The following TRPM6 variants were observed in gnomAD, a reference collection of about 807,000 sequenced individuals.
TRPM6 encodes transient receptor potential cation channel subfamily M member 6.
A neutral mutation model predicts 247.6 loss-of-function variants in TRPM6; 111 were observed. The observed-to-expected ratio is 0.45, with a 90% confidence interval of 0.38 to 0.52. TRPM6 has a LOEUF of 0.52. Among genes scored for constraint, TRPM6 ranks in the 20% least tolerant of loss-of-function variants. The probability of loss-of-function intolerance (pLI) is 0.00; values close to 1 mark genes in which losing one functional copy is unlikely to be tolerated. For missense variants in TRPM6, 2,126 were observed against 2,421.5 expected (o/e 0.88, Z 2.56); for synonymous variants, 892 against 853.8 (o/e 1.04, Z -0.78).
intron 36 of TRPM6, among the ~76,000 whole-genome samples, chr9:74,734,430 A>G (rs1244115204): frequency 6.6e-6 from 1 of 152,242 alleles, no homozygotes; most frequent in Non-Finnish European, 1.5e-5. Flanking sequence ...TAATCCTTAT[A>G]GACTTTCACC....
intron 19 of TRPM6, among the ~76,000 whole-genome samples, chr9:74,790,031 T>TGGGG (rs555035802): frequency 6.7e-6 from 1 of 148,554 alleles, no homozygotes; most frequent in East Asian, 2.0e-4. Flanking sequence ...TGTGTGTGTG[T>TGGGG]GTGTGGGTTC....
intron 24 of TRPM6, among the ~76,000 whole-genome samples, chr9:74,775,678 A>G (rs1337105106): frequency 6.6e-6 from 1 of 152,170 alleles, no homozygotes; most frequent in Non-Finnish European, 1.5e-5. Flanking sequence ...CTTTCTAAGT[A>G]TCCGTTCATC....
In TRPM6 at chr9:74,751,226, T is replaced by C. The variant is rs149125368; in HGVS notation, c.4999-504A>G. On this transcript the variant is annotated intron_variant, in intron 29 of 38. Transcript: ENST00000360774. ...TGATTTCCTACTCAAATTCAATTAT[T>C]TCCTGAGACTTAGTATACTCCAGGC... Among the ~76,000 whole-genome samples the C allele has an allele frequency of 2.3e-3, 352 of 152,354 alleles. 2 individuals carry two copies. The highest frequency in any genetic ancestry group is 8.3e-3 in the African/African-American group (344 of 41,578).
intron 25 of TRPM6, among the ~76,000 whole-genome samples, chr9:74,764,554 A>T (rs1826762132): frequency 6.6e-6 from 1 of 152,194 alleles, no homozygotes; most frequent in Admixed American, 6.5e-5. Flanking sequence ...CCCTGCCAAC[A>T]CCTTGATTTT....
chr9:74,749,728 T>G (rs1826174504), intron 30 of TRPM6, among the ~76,000 whole-genome samples: 2 of 152,222 alleles, frequency 1.3e-5, no homozygotes, highest in Non-Finnish European at 1.5e-5. Context: ...TTACGATTAT[T>G]GTTCAATTTC....
At chr9:74,826,555 C>A (rs1292841684) in intron 7 of TRPM6, among the ~76,000 whole-genome samples, 3 of 151,990 alleles carry the variant, frequency 2.0e-5, no homozygotes, top group African/African-American at 7.2e-5. Flanking sequence ...CAGCACTCAG[C>A]CCTCCTGCTC....
chr9:74,740,804 T>G lies in TRPM6; in HGVS notation c.5201-795A>C, dbSNP rs557757924. 4.6e-5 allele frequency among the ~76,000 whole-genome samples: 7 copies of G among 152,308 alleles called. No individual in the cohort carries two copies. The South Asian group carries it at 1.4e-3, about 32-fold the overall frequency. On this transcript the variant is annotated intron_variant, in intron 33 of 38. Transcript: ENST00000360774. ...AATTTAATACAAGCTCAACTTGTAT[T>G]AAAAATATTCTGTATATCTGTTTAT...
At position 74,819,064 on chromosome 9, in the gene TRPM6, T is replaced by C. The variant is rs548342705; in HGVS notation, c.1134+1240A>G. On this transcript the variant is annotated intron_variant, in intron 9 of 38. Coordinates refer to ENST00000360774, the MANE Select transcript of TRPM6 (RefSeq NM_017662.5). Reference sequence around the variant, plus strand: ...GGCTTATGCCTGCAATCCCAGAACTTTGGGAGGCCGAGACAGGCAGATCGC... The same window carrying C: ...GGCTTATGCCTGCAATCCCAGAACTCTGGGAGGCCGAGACAGGCAGATCGC... Among the ~76,000 whole-genome samples, 43 of 152,174 alleles carry C rather than the reference T, an allele frequency of 2.8e-4. 1 individual carries two copies. The South Asian group carries it at 8.5e-3, about 30-fold the overall frequency.
At chr9:74,887,272 A>G in intron 1 of TRPM6, 1 of 1,340,294 alleles carries the variant, frequency 7.5e-7, no homozygotes, top group South Asian at 2.3e-5. Context: ...CTGCACGGGG[A>G]ACACTGGGCG....
chr9:74,747,767 T>G (rs577548178), intron 31 of TRPM6, 122 bp downstream of exon 31: 2 of 840,416 alleles, frequency 2.4e-6, no homozygotes, highest in East Asian at 2.6e-5. Context: ...CTTTCTACAT[T>G]GCATGATGGA....
chr9:74,834,690 T>C (rs1433225353), intron 5 of TRPM6, among the ~76,000 whole-genome samples: 2 of 145,348 alleles, frequency 1.4e-5, no homozygotes, highest in South Asian at 2.4e-4. Context: ...TTCCCACCTA[T>C]GAGTGAGAAC....
chr9:74,813,631 C>A (rs993620578), intron 11 of TRPM6, among the ~76,000 whole-genome samples: 2 of 152,208 alleles, frequency 1.3e-5, no homozygotes, highest in Non-Finnish European at 2.9e-5. Flanking sequence ...AACCTATAGG[C>A]AACCTCCAAC....
chr9:74,740,155 A>G (rs1023766905), intron 33 of TRPM6, 146 bp from the exon 34 acceptor site: 14 of 916,916 alleles, frequency 1.5e-5, no homozygotes, highest in Non-Finnish European at 2.4e-5. Flanking sequence ...CAGAATAAGG[A>G]CATGTATCAG....
At chr9:74,788,793 C>T in intron 19 of TRPM6, 51 bp from the exon 20 acceptor site, 1 of 1,606,510 alleles carries the variant, frequency 6.2e-7, no homozygotes, top group Non-Finnish European at 8.5e-7. Flanking sequence ...AAGCATGGAG[C>T]ATGCCAAGGA....
At chr9:74,846,721 G>T (rs539044684) in intron 3 of TRPM6, among the ~76,000 whole-genome samples, 1 of 151,990 alleles carries the variant, frequency 6.6e-6, no homozygotes, top group South Asian at 2.1e-4. Flanking sequence ...TAACTTGTTT[G>T]TATTTTTAGT....
In TRPM6 at chr9:74,738,428, G is replaced by A; in HGVS notation, c.5755C>T (p.Leu1919=). The change falls in exon 36 of 39, where the codon CTG becomes TTG. Residue 1919 remains leucine, a synonymous_variant. Coordinates refer to ENST00000360774, the MANE Select transcript of TRPM6 (RefSeq NM_017662.5). ...TCACCTTGCAAATCTAAAACCAGCAGCTCTCCCCGAGTGTACTCATAGGTC... is the reference window on the plus strand; with the variant it reads ...TCACCTTGCAAATCTAAAACCAGCAACTCTCCCCGAGTGTACTCATAGGTC... ...HWTYEYTRGE[L]LVLDLQGVGE... The A allele has an allele frequency of 1.2e-6, 2 of 1,613,982 alleles. No individual in the cohort carries two copies. Among genetic ancestry groups the A allele is most frequent in the Non-Finnish European group, 1.7e-6 (2 of 1,179,972 alleles).
chr9:74,785,562 G>A (rs963617858), intron 21 of TRPM6, among the ~76,000 whole-genome samples: 2 of 151,646 alleles, frequency 1.3e-5, no homozygotes, highest in African/African-American at 2.4e-5. Context: ...TCGCTCTGTC[G>A]CTCAAGCTGG....
At chr9:74,742,708 A>G in intron 32 of TRPM6, 82 bp from the exon 33 acceptor site, 9 of 1,141,250 alleles carry the variant, frequency 7.9e-6, no homozygotes, top group Non-Finnish European at 1.2e-5. Flanking sequence ...CAATATATTC[A>G]TATAATGCTA....
At chr9:74,783,141 A>G (rs2118930173) in intron 21 of TRPM6, among the ~76,000 whole-genome samples, 1 of 152,228 alleles carries the variant, frequency 6.6e-6, no homozygotes, top group South Asian at 2.1e-4. Context: ...CTTTTTGATT[A>G]GCTAATATCT....
Sources: gnomAD v4.1 joint callset for allele counts (sites outside exome capture counted in the v4.1 genomes callset) on GRCh38, gnomAD v4.1.1 for gene constraint, MANE v1.5 for transcripts, NCBI Gene and HGNC (gene_info 2026-07-23, HGNC 2026-07-21) for gene names.